Variants in POLN observed in about 807,000 individuals in gnomAD.
The protein encoded by POLN is DNA polymerase N.
In POLN, 108 loss-of-function variants were observed where a neutral mutation model predicts 113.5. That is an observed-to-expected ratio of 0.95 (90% CI 0.81 to 1.12). POLN has a LOEUF of 1.12. Ranked by LOEUF, POLN falls within the 50% of genes most tolerant of loss-of-function variation. The pLI, the probability that POLN is intolerant of heterozygous loss-of-function variation, is 0.00. For synonymous variants in POLN, 386 were observed against 391.5 expected (o/e 0.99, Z 0.17); for missense variants, 1,097 against 1,077.1 (o/e 1.02, Z -0.26).
chr4:2,157,953 A>C (rs758793826), intron 14 of POLN, 42 bp from the exon 15 acceptor site: 2 of 1,521,404 alleles, frequency 1.3e-6, no homozygotes, highest in South Asian at 2.3e-5. Context: ...TTTAAGTCTT[A>C]AGTCTTTTTT....
chr4:2,182,326 C>T (rs1733163606), intron 7 of POLN, among the ~76,000 whole-genome samples: 1 of 152,024 alleles, frequency 6.6e-6, no homozygotes, highest in Non-Finnish European at 1.5e-5. Flanking sequence ...GCCCTAAATC[C>T]AATGATGGGT....
At chr4:2,148,663 TCCC>T (rs1553897941) in intron 16 of POLN, among the ~76,000 whole-genome samples, 5 of 39,324 alleles carry the variant, frequency 1.3e-4, no homozygotes, top group East Asian at 3.6e-4. Flanking sequence ...CGAGACTCTG[TCCC>T]CCCCCCAAAA....
chr4:2,073,244 C>T (rs959672315), intron 24 of POLN, among the ~76,000 whole-genome samples: 1 of 152,236 alleles, frequency 6.6e-6, no homozygotes, highest in African/African-American at 2.4e-5. Flanking sequence ...GCTCCCCCGG[C>T]CCCATCCACA....
intron 7 of POLN, among the ~76,000 whole-genome samples, chr4:2,183,698 G>A (rs1249899017): frequency 6.6e-6 from 1 of 151,192 alleles, no homozygotes; most frequent in South Asian, 2.1e-4. Context: ...GGAGTACAGG[G>A]TTTTTTTTTG....
chr4:2,228,901 G>C (rs1560101212), intron 3 of POLN, 198 bp downstream of exon 3: 2 of 449,648 alleles, frequency 4.4e-6, no homozygotes, highest in South Asian at 8.5e-5. Context: ...AAGGAAGAGA[G>C]TGTTACATTT....
intron 17 of POLN, among the ~76,000 whole-genome samples, chr4:2,130,906 C>T (rs1206910064): frequency 6.6e-6 from 1 of 152,186 alleles, no homozygotes; most frequent in African/African-American, 2.4e-5. Context: ...AAAGGGCACA[C>T]TGGCTCACAC....
At chr4:2,080,002 T>TA (rs1230693310) in intron 23 of POLN, 6 of 985,440 alleles carry the variant, frequency 6.1e-6, no homozygotes, top group Non-Finnish European at 7.2e-6. Context: ...GGGCAGTGCT[T>TA]AGACCCCCAC....
At chr4:2,095,100 C>A (rs980399105) in intron 20 of POLN, among the ~76,000 whole-genome samples, 3 of 151,774 alleles carry the variant, frequency 2.0e-5, no homozygotes, top group African/African-American at 7.3e-5. Context: ...AAATCCCAGA[C>A]AGCCCATGTC....
intron 7 of POLN, among the ~76,000 whole-genome samples, chr4:2,185,203 C>T (rs1733240732): frequency 6.6e-6 from 1 of 152,180 alleles, no homozygotes; most frequent in South Asian, 2.1e-4. Context: ...CAAACGTATA[C>T]AACACTTATG....
At chr4:2,088,540 A>G (rs1229027463) in intron 20 of POLN, among the ~76,000 whole-genome samples, 1 of 152,254 alleles carries the variant, frequency 6.6e-6, no homozygotes, top group African/African-American at 2.4e-5. Flanking sequence ...TATCACTGAA[A>G]GAAGACATAG....
intron 3 of POLN, among the ~76,000 whole-genome samples, chr4:2,224,245 C>T (rs1378633068): frequency 6.6e-6 from 1 of 152,174 alleles, no homozygotes; most frequent in Non-Finnish European, 1.5e-5. Flanking sequence ...GTATCACTGT[C>T]TTCTACTTCT....
intron 19 of POLN, among the ~76,000 whole-genome samples, chr4:2,103,071 CA>C (rs71167774): frequency 2.6e-5 from 4 of 151,886 alleles, no homozygotes; most frequent in African/African-American, 4.8e-5. Context: ...AGATCTTAAC[CA>C]AAAAAGAAAT....
At chr4:2,081,448 C>A (rs773593820) in intron 22 of POLN, 185 bp downstream of exon 22, 48 of 650,824 alleles carry the variant, frequency 7.4e-5, no homozygotes, top group Non-Finnish European at 1.2e-4. Flanking sequence ...CAAAGATGAC[C>A]GTGTCCCCTC....
chr4:2,235,515 G>A (rs1734729445), intron 2 of POLN, among the ~76,000 whole-genome samples: 1 of 152,134 alleles, frequency 6.6e-6, no homozygotes, highest in Non-Finnish European at 1.5e-5. Flanking sequence ...TTTCATTGTG[G>A]AATATCATAT....
At chr4:2,185,473 C>A (rs555907676) in intron 7 of POLN, among the ~76,000 whole-genome samples, 2 of 152,216 alleles carry the variant, frequency 1.3e-5, no homozygotes, top group Non-Finnish European at 2.9e-5. Flanking sequence ...TGGCTGGGCG[C>A]GGTGGCCCAT....
In POLN at chr4:2,129,179, C is replaced by G; in HGVS notation, c.1867G>C (p.Asp623His). The G allele has an allele frequency of 6.3e-7, 1 of 1,575,436 alleles. No homozygotes were observed. The highest frequency in any genetic ancestry group is 8.7e-7 in the Non-Finnish European group (1 of 1,145,074). Residue 623 changes from aspartate to histidine, a missense_variant and splice_region_variant, in exon 18 of 26, where the codon GAC becomes CAC. Asp to His is a moderately conservative substitution (Grantham distance 81). Transcript: ENST00000511885. Reference protein sequence around the residue: ...SSKGHTFLAADFSQIELRILT... With the variant: ...SSKGHTFLAAHFSQIELRILT... ...CATAAAGCAAGCTACAGCAACGTAC[C>G]TGCTGCTAGAAAGGTGTGGCCTTTG...
intron 2 of POLN, among the ~76,000 whole-genome samples, chr4:2,241,270 C>A (rs528320547): frequency 6.6e-6 from 1 of 152,096 alleles, no homozygotes; most frequent in Non-Finnish European, 1.5e-5. Context: ...CTCAGAAAAC[C>A]GCAACAGTAA....
intron 19 of POLN, among the ~76,000 whole-genome samples, chr4:2,097,323 G>A (rs1163865939): frequency 3.3e-5 from 5 of 152,060 alleles, no homozygotes; most frequent in Non-Finnish European, 7.4e-5. Context: ...GTGGGAGGAG[G>A]GCAGACAGAG....
rs190077358 is a variant in POLN at position 2,100,203 on chromosome 4, A to G, written c.1983-4270T>C. ...GATAAATAGTGGGGGAAAGCCCACA[A>G]GTAAGTCTAGTGGGCTTATGGAAAT... On this transcript the variant is annotated intron_variant, in intron 19 of 25. Transcript: ENST00000511885. Among the ~76,000 whole-genome samples, 84 of 152,328 alleles carry G rather than the reference A, an allele frequency of 5.5e-4. 1 individual carries two copies. Among genetic ancestry groups the G allele is most frequent in the Admixed American group, 5.3e-3 (81 of 15,300 alleles).
Sources: gnomAD v4.1 joint callset for allele counts (sites outside exome capture counted in the v4.1 genomes callset) on GRCh38, gnomAD v4.1.1 for gene constraint, MANE v1.5 for transcripts, NCBI Gene and HGNC (gene_info 2026-07-23, HGNC 2026-07-21) for gene names.